Variants in EXOC4 observed in about 807,000 individuals in gnomAD.
The protein encoded by EXOC4 is exocyst complex component 4.
EXOC4 carries 71 observed loss-of-function variants against 107.2 expected under a neutral mutation model. That is an observed-to-expected ratio of 0.66 (90% CI 0.55 to 0.81). EXOC4 has a LOEUF of 0.81. EXOC4 is among the 30% of genes least tolerant of loss of function. The pLI is 0.00. For missense variants in EXOC4, 1,108 were observed against 1,189.6 expected (o/e 0.93, Z 1.01); for synonymous variants, 456 against 441.2 (o/e 1.03, Z -0.42).
intron 7 of EXOC4, among the ~76,000 whole-genome samples, chr7:133,443,490 A>C (rs138546171): frequency 2.0e-5 from 3 of 152,170 alleles, no homozygotes; most frequent in Non-Finnish European, 4.4e-5. Flanking sequence ...TTGTCACTTC[A>C]GTCTGGTGGT....
chr7:133,256,074 C>T (rs58625326), intron 1 of EXOC4, among the ~76,000 whole-genome samples: 20,511 of 151,788 alleles, frequency 0.14, 2,884 homozygotes, highest in African/African-American at 0.35. Context: ...CTCCGCCTTC[C>T]GGGTTCACAC....
At chr7:134,068,112 T>C (rs6467516), downstream of EXOC4, among the ~76,000 whole-genome samples, 118,384 of 152,128 alleles carry the variant, frequency 0.78, 47,007 homozygotes, top group African/African-American at 0.93. Context: ...CTACAGCCCA[T>C]ACTCTTGAAA....
intron 7 of EXOC4, among the ~76,000 whole-genome samples, chr7:133,469,860 C>T (rs1798828068): frequency 6.6e-6 from 1 of 152,190 alleles, no homozygotes; most frequent in African/African-American, 2.4e-5. Flanking sequence ...ATTTTTCTAT[C>T]TGTAAAAGGT....
chr7:134,041,630 T>G (rs1016684901), intron 17 of EXOC4, among the ~76,000 whole-genome samples: 12 of 152,184 alleles, frequency 7.9e-5, no homozygotes, highest in African/African-American at 2.7e-4. Flanking sequence ...CTATATAAAT[T>G]TAATTAGGCT....
intron 9 of EXOC4, among the ~76,000 whole-genome samples, chr7:133,550,914 C>T (rs1800574301): frequency 6.6e-6 from 1 of 151,804 alleles, no homozygotes; most frequent in Non-Finnish European, 1.5e-5. Context: ...TCTAGGTGGG[C>T]CCAATTCAGT....
rs565178838 is a variant in EXOC4, at chr7:133,979,797, GA to G, written c.2207-17686del. Among the ~76,000 whole-genome samples, 58 of 149,974 alleles carry G rather than the reference GA, an allele frequency of 3.9e-4. 1 individual carries two copies. The highest frequency in any genetic ancestry group is 1.0e-3 in the African/African-American group (41 of 40,810). The stretch of plus-strand genomic sequence containing the variant: ...AGCGAGACTCCATCTCAAAAAAAAA[GA>G]AAAAAAAACCCTAAATTGCCTTCGT... On this transcript the variant is annotated intron_variant, in intron 14 of 17. Transcript: ENST00000253861.
chr7:133,596,735 A>C (rs1801683736), intron 9 of EXOC4, among the ~76,000 whole-genome samples: 1 of 152,198 alleles, frequency 6.6e-6, no homozygotes. Context: ...TAGTGTGCCC[A>C]GCATCATAGC....
chr7:133,987,853 A>C (rs1329796351), intron 14 of EXOC4, among the ~76,000 whole-genome samples: 1 of 152,190 alleles, frequency 6.6e-6, no homozygotes, highest in East Asian at 1.9e-4. Context: ...GAATCAATTA[A>C]AGAAGTCACA....
chr7:133,753,386 C>A (rs1795833936), intron 10 of EXOC4, among the ~76,000 whole-genome samples: 1 of 152,278 alleles, frequency 6.6e-6, no homozygotes, highest in Non-Finnish European at 1.5e-5. Context: ...ATGACAGACA[C>A]TTGATAAAAT....
chr7:133,983,907 A>T (rs1794053280), intron 14 of EXOC4, among the ~76,000 whole-genome samples: 1 of 152,136 alleles, frequency 6.6e-6, no homozygotes, highest in Non-Finnish European at 1.5e-5. Flanking sequence ...TTTCTCTTTC[A>T]TATCCGGCAG....
chr7:134,077,710 C>T, the EXOC4 span, among the ~76,000 whole-genome samples: 1 of 152,214 alleles, frequency 6.6e-6, no homozygotes. Flanking sequence ...AGGACAAAGA[C>T]AGGATTGCAC....
chr7:133,513,054 G>A (rs542594096), intron 9 of EXOC4, among the ~76,000 whole-genome samples: 5 of 152,230 alleles, frequency 3.3e-5, no homozygotes, highest in Non-Finnish European at 5.9e-5. Context: ...GCAGTGAGCC[G>A]AGATCGCGCC....
chr7:133,316,032 A>G (rs763857775), intron 4 of EXOC4, among the ~76,000 whole-genome samples: 2 of 152,212 alleles, frequency 1.3e-5, no homozygotes, highest in Non-Finnish European at 2.9e-5. Flanking sequence ...TACTCAGTGA[A>G]AAGAATAAAA....
intron 9 of EXOC4, among the ~76,000 whole-genome samples, chr7:133,488,122 G>A (rs1273757324): frequency 6.6e-6 from 1 of 152,110 alleles, no homozygotes; most frequent in Non-Finnish European, 1.5e-5. Context: ...ATGAAGTTTG[G>A]ATCCTTTTAG....
intron 10 of EXOC4, among the ~76,000 whole-genome samples, chr7:133,782,392 C>T (rs1256526198): frequency 6.6e-6 from 1 of 152,112 alleles, no homozygotes; most frequent in Non-Finnish European, 1.5e-5. Context: ...ATGTACCCAT[C>T]CTTGGGGACT....
intron 9 of EXOC4, among the ~76,000 whole-genome samples, chr7:133,579,707 A>C (rs1049684970): frequency 2.8e-5 from 4 of 144,210 alleles, no homozygotes; most frequent in Non-Finnish European, 6.0e-5. Context: ...TTTTTTCTTG[A>C]GATGGAGTCT....
At chr7:133,395,168 G>A (rs1034978883) in intron 7 of EXOC4, among the ~76,000 whole-genome samples, 4 of 147,632 alleles carry the variant, frequency 2.7e-5, no homozygotes, top group Non-Finnish European at 5.9e-5. Context: ...CCATTTACTC[G>A]TGAAAGGGTA....
chr7:133,429,397 T>C (rs1797802097), intron 7 of EXOC4, among the ~76,000 whole-genome samples: 1 of 152,254 alleles, frequency 6.6e-6, no homozygotes. Context: ...TATTAGGACC[T>C]AAATTTTTTC....
intron 10 of EXOC4, among the ~76,000 whole-genome samples, chr7:133,703,195 T>C (rs1396085470): frequency 1.3e-5 from 2 of 152,230 alleles, no homozygotes; most frequent in African/African-American, 4.8e-5. Context: ...CACGCACCAC[T>C]GTGTCTTTAG....
Sources: gnomAD v4.1 joint callset for allele counts (sites outside exome capture counted in the v4.1 genomes callset) on GRCh38, gnomAD v4.1.1 for gene constraint, MANE v1.5 for transcripts, NCBI Gene and HGNC (gene_info 2026-07-23, HGNC 2026-07-21) for gene names.